The following OPHN1 variants were observed in gnomAD, a reference collection of about 807,000 sequenced individuals.
The protein encoded by OPHN1 is oligophrenin 1.
Under a neutral mutation model 60.7 loss-of-function variants are expected in OPHN1, and 11 were observed. That is an observed-to-expected ratio of 0.18 (90% CI 0.11 to 0.30). The LOEUF is 0.30. OPHN1 is among the 10% of genes least tolerant of loss of function. The pLI is 1.00. For missense variants in OPHN1, 449 were observed against 611.0 expected, an observed-to-expected ratio of 0.73 and a Z score of 2.80; for synonymous variants, 226 against 222.6, an observed-to-expected ratio of 1.02 and a Z score of -0.14.
chrX:68,371,403 G>C (rs1047930859), intron 2 of OPHN1, among the ~76,000 whole-genome samples: 3 of 109,468 alleles, frequency 2.7e-5, no homozygotes, highest in African/African-American at 1.0e-4. Context: ...TTTTTTTATA[G>C]AGACCGAGTT....
chrX:68,299,250 G>T (rs2078109373), intron 2 of OPHN1, among the ~76,000 whole-genome samples, 154 bp from the exon 3 acceptor site: 1 of 112,127 alleles, frequency 8.9e-6, no homozygotes, highest in African/African-American at 3.2e-5. Context: ...GATTAGATAT[G>T]CAGTAGAAGA....
intron 3 of OPHN1, among the ~76,000 whole-genome samples, chrX:68,297,197 T>C (rs1264136205): frequency 8.9e-6 from 1 of 111,888 alleles, no homozygotes; most frequent in East Asian, 2.8e-4. Context: ...AGTACAAAAA[T>C]ATCTTATATT....
At chrX:68,097,157 T>C in intron 18 of OPHN1, 128 bp from the exon 19 acceptor site, 1 of 545,565 alleles carries the variant, frequency 1.8e-6, no homozygotes, top group African/African-American at 2.3e-5. Flanking sequence ...CTAAAGTATG[T>C]ATTGGAAGGC....
At chrX:68,339,541 T>C (rs1012028688) in intron 2 of OPHN1, among the ~76,000 whole-genome samples, 4 of 112,532 alleles carry the variant, frequency 3.6e-5, no homozygotes, top group African/African-American at 1.3e-4. Context: ...TTAAAAAAAC[T>C]ATTAGAAGTA....
intron 2 of OPHN1, among the ~76,000 whole-genome samples, chrX:68,414,315 TC>T (rs1386942823): frequency 8.9e-5 from 10 of 111,734 alleles, no homozygotes; most frequent in Non-Finnish European, 1.7e-4. Flanking sequence ...TTATATGCTA[TC>T]CCAGAAGGCT....
At chrX:68,306,509 G>A (rs776072096) in intron 2 of OPHN1, among the ~76,000 whole-genome samples, 2 of 112,142 alleles carry the variant, frequency 1.8e-5, no homozygotes, top group African/African-American at 6.5e-5. Flanking sequence ...GAGCAAGAAT[G>A]AAGGAGAAGG....
chrX:68,404,816 G>C (rs1220100523), intron 2 of OPHN1, among the ~76,000 whole-genome samples: 1 of 111,711 alleles, frequency 9.0e-6, no homozygotes, highest in Non-Finnish European at 1.9e-5. Flanking sequence ...AAATAAGCCA[G>C]TCACAAAAGA....
Position 68,063,881 on chromosome X carries a change from G to C in OPHN1, c.2131C>G (p.Pro711Ala). The change falls in exon 21 of 25, where the codon CCC becomes GCC. Residue 711 changes from proline to alanine, a missense_variant. Pro to Ala is a conservative substitution (Grantham distance 27, BLOSUM62 -1). Transcript: ENST00000355520. ...TCCTTGTGGTGGGCCAGGGGCCGGG[G>C]AGCTGGTCTCTTTATGTGGAAAGAG... ...TPSFHIKRPA[P>A]RPLAHHKEGD... 8.5e-7 allele frequency: 1 copy of C among 1,176,618 alleles called. No individual in the cohort carries two copies. The highest frequency in any genetic ancestry group is 1.9e-5 in the South Asian group (1 of 51,891).
chrX:68,276,646 C>T lies in OPHN1; in HGVS notation c.313-1837G>A, dbSNP rs183940371. On this transcript the variant is annotated intron_variant, in intron 4 of 24. Coordinates refer to ENST00000355520, the MANE Select transcript of OPHN1 (RefSeq NM_002547.3). ...AACATGGCCACAAACTCTGACATAC[C>T]TTCCATTGAGAGGTGAGGTCTATGT... Among the ~76,000 whole-genome samples, 188 of 111,400 alleles carry T rather than the reference C, an allele frequency of 1.7e-3. 1 individual carries two copies. Among genetic ancestry groups the T allele is most frequent in the African/African-American group, 5.7e-3 (176 of 30,673 alleles).
At chrX:68,090,362 A>G (rs1190437421) in intron 19 of OPHN1, among the ~76,000 whole-genome samples, 1 of 110,524 alleles carries the variant, frequency 9.0e-6, no homozygotes, top group Non-Finnish European at 1.9e-5. Context: ...ATAACTATAT[A>G]TTTACATTTA....
chrX:68,224,943 G>A (rs1264678286), intron 6 of OPHN1, among the ~76,000 whole-genome samples: 1 of 112,141 alleles, frequency 8.9e-6, no homozygotes, highest in Non-Finnish European at 1.9e-5. Context: ...CCCTGGAAGC[G>A]CAAGGGGTTG....
chrX:68,397,159 T>TA (rs2078689082), intron 2 of OPHN1, among the ~76,000 whole-genome samples: 1 of 112,402 alleles, frequency 8.9e-6, no homozygotes, highest in Non-Finnish European at 1.9e-5. Context: ...TCACAGCCTG[T>TA]AATGGAAGTT....
intron 2 of OPHN1, among the ~76,000 whole-genome samples, chrX:68,319,561 C>T (rs2078225420): frequency 9.1e-6 from 1 of 110,156 alleles, no homozygotes. Context: ...CACAGTAAGG[C>T]CCCATCTCTA....
At chrX:68,116,322 A>C (rs2077127038) in intron 16 of OPHN1, among the ~76,000 whole-genome samples, 1 of 112,113 alleles carries the variant, frequency 8.9e-6, no homozygotes, top group South Asian at 3.7e-4. Context: ...AGGTATGGCA[A>C]GAAAATATAT....
At chrX:68,303,358 G>A (rs2078130019) in intron 2 of OPHN1, among the ~76,000 whole-genome samples, 1 of 111,571 alleles carries the variant, frequency 9.0e-6, no homozygotes, top group South Asian at 3.7e-4. Context: ...AATGAGTAAA[G>A]AAAATGGGCC....
intron 5 of OPHN1, among the ~76,000 whole-genome samples, chrX:68,243,336 C>A (rs754041084): frequency 9.0e-6 from 1 of 111,428 alleles, no homozygotes; most frequent in African/African-American, 3.3e-5. Context: ...ATCAATATTT[C>A]TGAATTACAC....
At chrX:68,226,742 G>C (rs980679402) in intron 6 of OPHN1, among the ~76,000 whole-genome samples, 2 of 111,520 alleles carry the variant, frequency 1.8e-5, no homozygotes, top group Non-Finnish European at 3.8e-5. Flanking sequence ...ACTAAACATG[G>C]AAAGGAACAA....
chrX:68,129,048 A>G (rs757967929), intron 15 of OPHN1, among the ~76,000 whole-genome samples: 7 of 112,637 alleles, frequency 6.2e-5, no homozygotes, highest in Non-Finnish European at 1.1e-4. Context: ...AACATATTCA[A>G]TTTCAAGTGC....
At chrX:68,381,279 A>C (rs1198355167) in intron 2 of OPHN1, among the ~76,000 whole-genome samples, 1 of 111,385 alleles carries the variant, frequency 9.0e-6, no homozygotes, top group Admixed American at 9.5e-5. Context: ...GTTTTTTCAC[A>C]TTATCTGATC....
Sources: allele counts gnomAD v4.1 joint callset (sites outside exome capture counted in the v4.1 genomes callset), GRCh38; gene constraint gnomAD v4.1.1; transcripts MANE v1.5; gene names NCBI Gene and HGNC (gene_info 2026-07-23, HGNC 2026-07-21).